TCF7L2: variants seen among roughly 807,000 people sequenced by gnomAD.
TCF7L2 encodes transcription factor 7-like 2.
In TCF7L2, 23 loss-of-function variants were observed where a neutral mutation model predicts 77.9. The ratio of observed to expected loss-of-function variants is 0.30; its 90% CI spans 0.21 to 0.42. The LOEUF (loss-of-function observed/expected upper bound fraction) is 0.42, where lower values mean the gene tolerates loss of function less well. TCF7L2 is among the 10% of genes least tolerant of loss of function. The probability of loss-of-function intolerance (pLI) is 1.00; values close to 1 mark genes in which losing one functional copy is unlikely to be tolerated. For synonymous variants in TCF7L2, 413 were observed against 340.2 expected (o/e 1.21, Z -2.36); for missense variants, 654 against 793.1 (o/e 0.82, Z 2.11).
At chr10:113,120,792 A>T (rs12772424) in intron 5 of TCF7L2, among the ~76,000 whole-genome samples, 84,336 of 151,984 alleles carry the variant, frequency 0.55, 24,469 homozygotes, top group African/African-American at 0.61. Context: ...GTTTCAGAAC[A>T]GTTTCTCAAC....
chr10:113,132,879 GC>G (rs150519865), intron 5 of TCF7L2: 159 of 152,300 alleles, frequency 1.0e-3, no homozygotes, highest in African/African-American at 3.6e-3. Context: ...AGGACAGAGG[GC>G]CCCGTTGTGC....
At chr10:113,012,155 C>T (rs949948881) in intron 4 of TCF7L2, among the ~76,000 whole-genome samples, 1 of 152,182 alleles carries the variant, frequency 6.6e-6, no homozygotes, top group African/African-American at 2.4e-5. Context: ...AAAATTCTAA[C>T]GCCCAGGTCA....
chr10:113,066,152 C>G (rs780647179), intron 5 of TCF7L2, among the ~76,000 whole-genome samples: 1 of 152,100 alleles, frequency 6.6e-6, no homozygotes, highest in African/African-American at 2.4e-5. Flanking sequence ...CACTTGAGAT[C>G]AGGAGTACGA....
intron 4 of TCF7L2, chr10:112,987,865 G>T: frequency 1.2e-5 from 2 of 165,464 alleles, no homozygotes; most frequent in South Asian, 2.8e-4. Context: ...CTTTTTCTAG[G>T]GGTGTAATAC....
chr10:112,974,739 G>A (rs577483872), intron 4 of TCF7L2, among the ~76,000 whole-genome samples: 232 of 152,134 alleles, frequency 1.5e-3, no homozygotes, highest in African/African-American at 4.6e-3. Flanking sequence ...CACCGCGCCC[G>A]GCTGTCTGCT....
At chr10:112,993,054 CA>C (rs1248714524) in intron 4 of TCF7L2, among the ~76,000 whole-genome samples, 1 of 152,110 alleles carries the variant, frequency 6.6e-6, no homozygotes, top group African/African-American at 2.4e-5. Flanking sequence ...TGAGCCACCG[CA>C]CCCGGCCACT....
chr10:113,154,030 G>C (rs1183258046), intron 11 of TCF7L2, among the ~76,000 whole-genome samples: 1 of 152,202 alleles, frequency 6.6e-6, no homozygotes, highest in Non-Finnish European at 1.5e-5. Context: ...AGGAGTGCTG[G>C]CACCTCTGGG....
chr10:113,025,358 C>G (rs1330423103), intron 4 of TCF7L2, among the ~76,000 whole-genome samples: 2 of 151,996 alleles, frequency 1.3e-5, no homozygotes, highest in Non-Finnish European at 2.9e-5. Flanking sequence ...CCTGTCTCAG[C>G]CTCCTGAGTA....
chr10:113,110,369 G>GTTT (rs55993335), intron 5 of TCF7L2, among the ~76,000 whole-genome samples: 21 of 126,412 alleles, frequency 1.7e-4, no homozygotes, highest in South Asian at 2.7e-4. Flanking sequence ...GTCTACTGGG[G>GTTT]TTTTTTTTTT....
At chr10:113,050,148 A>G (rs188425972) in intron 5 of TCF7L2, among the ~76,000 whole-genome samples, 4 of 152,286 alleles carry the variant, frequency 2.6e-5, no homozygotes, top group Admixed American at 2.0e-4. Context: ...GATTAAGTGC[A>G]TCACCTAGGC....
intron 5 of TCF7L2, among the ~76,000 whole-genome samples, chr10:113,054,792 T>A (rs994344315): frequency 6.6e-6 from 1 of 152,184 alleles, no homozygotes; most frequent in African/African-American, 2.4e-5. Context: ...AGTTTTTAAC[T>A]TTGACATAAG....
At chr10:113,137,419 T>G (rs1257754678) in intron 5 of TCF7L2, among the ~76,000 whole-genome samples, 1 of 152,218 alleles carries the variant, frequency 6.6e-6, no homozygotes, top group Non-Finnish European at 1.5e-5. Flanking sequence ...TTTTCACAAC[T>G]CTGCGAGGTA....
At chr10:113,105,722 A>C (rs1288281844) in intron 5 of TCF7L2, among the ~76,000 whole-genome samples, 2 of 152,196 alleles carry the variant, frequency 1.3e-5, no homozygotes, top group Non-Finnish European at 2.9e-5. Context: ...TGTCTGCCAG[A>C]AGCATCCCGT....
At chr10:113,115,069 C>T (rs1178981428) in intron 5 of TCF7L2, among the ~76,000 whole-genome samples, 1 of 151,806 alleles carries the variant, frequency 6.6e-6, no homozygotes, top group East Asian at 1.9e-4. Flanking sequence ...CGTTGGATGG[C>T]AGAATCGAAA....
At chr10:113,108,066 C>T (rs1277413928) in intron 5 of TCF7L2, among the ~76,000 whole-genome samples, 1 of 152,136 alleles carries the variant, frequency 6.6e-6, no homozygotes, top group Non-Finnish European at 1.5e-5. Context: ...TTGAGAGCCT[C>T]CAGCCCCCTT....
At position 113,160,682 on chromosome 10, in the gene TCF7L2, A is replaced by G. The variant is rs2137467174; in HGVS notation, c.1382A>G (p.Lys461Arg). Residue 461 changes from lysine (K) to arginine (R), a missense_variant, in exon 13 of 14, where the codon AAA becomes AGA. Lys to Arg is a conservative substitution (Grantham distance 26). This residue lies in a region of TCF7L2 where 272 missense variants were observed against 215.4 expected (regional missense o/e 1.26). Coordinates refer to ENST00000627217, the MANE Select transcript of TCF7L2 (RefSeq NM_001146274.2). ...CTTGACCGACAGACTTTATGGTGCA[A>G]ACCGTGCAGGTATATTACCACTGCG... The G allele has an allele frequency of 6.3e-7, 1 of 1,592,942 alleles. No homozygotes were observed. Among genetic ancestry groups the G allele is most frequent in the South Asian group, 1.1e-5 (1 of 87,004 alleles).
chr10:113,009,493 A>T (rs551064621), intron 4 of TCF7L2, among the ~76,000 whole-genome samples: 152 of 152,308 alleles, frequency 1.0e-3, no homozygotes, highest in African/African-American at 3.4e-3. Context: ...CTGCCACCGA[A>T]GGGTGTGGGC....
At chr10:113,076,827 T>C (rs139582493) in intron 5 of TCF7L2, among the ~76,000 whole-genome samples, 6 of 152,244 alleles carry the variant, frequency 3.9e-5, no homozygotes, top group Non-Finnish European at 8.8e-5. Context: ...GTGAAAATTA[T>C]ATGGACACAT....
At chr10:113,110,929 T>C (rs183469425) in intron 5 of TCF7L2, among the ~76,000 whole-genome samples, 1 of 152,172 alleles carries the variant, frequency 6.6e-6, no homozygotes, top group Admixed American at 6.5e-5. Context: ...AAAAAGGGGA[T>C]CTGACTGTTA....
Sources: allele counts gnomAD v4.1 joint callset (sites outside exome capture counted in the v4.1 genomes callset), GRCh38; gene constraint gnomAD v4.1.1; regional missense constraint gnomAD v4.1.1; transcripts MANE v1.5; gene names NCBI Gene and HGNC (gene_info 2026-07-23, HGNC 2026-07-21).